Variants in GUCY1B1 observed in about 807,000 individuals in gnomAD.
GUCY1B1 encodes the protein guanylate cyclase 1 soluble subunit beta 1, also known as guanylate cyclase soluble subunit beta-1.
A neutral mutation model predicts 71.0 loss-of-function variants in GUCY1B1; 43 were observed. That is an observed-to-expected ratio of 0.61 (90% CI 0.47 to 0.78). GUCY1B1 has a LOEUF of 0.78. Among genes scored for constraint, GUCY1B1 ranks in the 30% least tolerant of loss-of-function variants. The pLI is 0.00. For missense variants in GUCY1B1, 535 were observed against 754.1 expected, an observed-to-expected ratio of 0.71 and a Z score of 3.40; for synonymous variants, 266 against 259.7, an observed-to-expected ratio of 1.02 and a Z score of -0.23.
chr4:155,803,405 G>A (rs568771533), intron 10 of GUCY1B1, among the ~76,000 whole-genome samples: 232 of 152,212 alleles, frequency 1.5e-3, no homozygotes, highest in African/African-American at 5.2e-3. Flanking sequence ...GTACCTGCCC[G>A]TCATCAAAGA....
chr4:155,800,446 G>A (rs527380149), intron 9 of GUCY1B1, among the ~76,000 whole-genome samples: 9 of 152,190 alleles, frequency 5.9e-5, no homozygotes, highest in Non-Finnish European at 7.4e-5. Context: ...GGGGGCTGCC[G>A]CGTGCAGAGA....
intron 4 of GUCY1B1, among the ~76,000 whole-genome samples, chr4:155,779,807 T>G (rs1389435132): frequency 6.6e-6 from 1 of 152,222 alleles, no homozygotes; most frequent in African/African-American, 2.4e-5. Context: ...TATATTGACA[T>G]TTTTATTACG....
intron 4 of GUCY1B1, 51 bp from the exon 5 acceptor site, chr4:155,789,663 C>G: frequency 9.5e-7 from 1 of 1,051,880 alleles, no homozygotes; most frequent in Non-Finnish European, 1.4e-6. Flanking sequence ...CCAGAGTCTG[C>G]TGTCATTGCG....
In GUCY1B1 at chr4:155,806,425, G is replaced by A. The variant is rs770903699; in HGVS notation, c.*16G>A. 22 of 1,588,508 alleles carry A rather than the reference G, an allele frequency of 1.4e-5. No homozygotes were observed. Among genetic ancestry groups the A allele is most frequent in the Non-Finnish European group, 1.6e-5 (18 of 1,157,640 alleles). On this transcript the variant is annotated 3_prime_UTR_variant, in exon 14 of 14. Coordinates refer to ENST00000264424, the MANE Select transcript of GUCY1B1 (RefSeq NM_000857.5). ...TGATGACTGAATCTTGGATTATGGG[G>A]TGAAGAGGAGTACAGACTAGGTTCC... is the stretch of plus-strand genomic sequence containing the variant.
chr4:155,804,018 G>A (rs1740137678), intron 11 of GUCY1B1, among the ~76,000 whole-genome samples: 1 of 152,024 alleles, frequency 6.6e-6, no homozygotes, highest in African/African-American at 2.4e-5. Context: ...GTACCTTCTA[G>A]TTTATTTTTT....
At chr4:155,762,057 T>G (rs1737031044) in intron 2 of GUCY1B1, among the ~76,000 whole-genome samples, 2 of 152,338 alleles carry the variant, frequency 1.3e-5, no homozygotes, top group East Asian at 3.9e-4. Flanking sequence ...CTCTCTGCAC[T>G]GAGGGCATTA....
rs1285170576 is a variant in GUCY1B1, at chr4:155,807,553, TG to T, written c.*1145del. 1 of 152,192 alleles carries T rather than the reference TG, an allele frequency of 6.6e-6. No individual in the cohort carries two copies. Among genetic ancestry groups the T allele is most frequent in the African/African-American group, 2.4e-5 (1 of 41,468 alleles). 9.4% of individuals were successfully genotyped at this position (152,192 alleles called of 1,614,324 possible). On this transcript the variant is annotated 3_prime_UTR_variant, in exon 14 of 14. Coordinates refer to ENST00000264424, the MANE Select transcript of GUCY1B1 (RefSeq NM_000857.5). ...TATATGTATAAATGTTCCATGTTAA[TG>T]TGTAAAAGAGTCTGTAATAAATTAT...
At chr4:155,783,815 ATTC>A (rs1475973950) in intron 4 of GUCY1B1, among the ~76,000 whole-genome samples, 2 of 152,182 alleles carry the variant, frequency 1.3e-5, no homozygotes, top group Non-Finnish European at 2.9e-5. Flanking sequence ...AAAGAGCACC[ATTC>A]ACTTTATTTT....
At chr4:155,772,662 C>T in intron 2 of GUCY1B1, 1 of 701,380 alleles carries the variant, frequency 1.4e-6, no homozygotes, top group African/African-American at 1.7e-5. Flanking sequence ...TCAACGGATC[C>T]TCCCACCTGG....
chr4:155,772,941 C>A (rs577397487), intron 2 of GUCY1B1, among the ~76,000 whole-genome samples: 2 of 152,298 alleles, frequency 1.3e-5, no homozygotes, highest in South Asian at 4.1e-4. Flanking sequence ...AGACATACCA[C>A]CATTTGGAAT....
At chr4:155,766,062 CCTCT>C (rs1454145493) in intron 2 of GUCY1B1, among the ~76,000 whole-genome samples, 4 of 152,028 alleles carry the variant, frequency 2.6e-5, no homozygotes, top group African/African-American at 9.7e-5. Flanking sequence ...TCTCTCTCTC[CCTCT>C]CTCTATGTAT....
chr4:155,783,060 T>G (rs1321352064), intron 4 of GUCY1B1, among the ~76,000 whole-genome samples: 1 of 152,182 alleles, frequency 6.6e-6, no homozygotes, highest in Admixed American at 6.5e-5. Context: ...AAATAACAAA[T>G]AAATTATTAA....
intron 9 of GUCY1B1, among the ~76,000 whole-genome samples, chr4:155,800,585 T>TA (rs1191181905): frequency 6.6e-6 from 1 of 152,188 alleles, no homozygotes; most frequent in Non-Finnish European, 1.5e-5. Flanking sequence ...TGACAACAAT[T>TA]ACATCTATAG....
At position 155,806,439 on chromosome 4, in the gene GUCY1B1, A is replaced by C; in HGVS notation, c.*30A>C. On this transcript the variant is annotated 3_prime_UTR_variant, in exon 14 of 14. Coordinates refer to ENST00000264424, the MANE Select transcript of GUCY1B1 (RefSeq NM_000857.5). ...TGGATTATGGGGTGAAGAGGAGTAC[A>C]GACTAGGTTCCAGTTTTCTCCTAAC... 1.3e-6 allele frequency: 2 copies of C among 1,561,858 alleles called. No individual in the cohort carries two copies. Among genetic ancestry groups the C allele is most frequent in the Non-Finnish European group, 1.8e-6 (2 of 1,133,572 alleles).
At chr4:155,800,301 T>C (rs1206211699) in intron 9 of GUCY1B1, among the ~76,000 whole-genome samples, 1 of 152,214 alleles carries the variant, frequency 6.6e-6, no homozygotes, top group Non-Finnish European at 1.5e-5. Flanking sequence ...GTTGGAATAA[T>C]ATAGGCCAAA....
At chr4:155,788,673 TAC>T (rs1244391983) in intron 4 of GUCY1B1, among the ~76,000 whole-genome samples, 1 of 152,248 alleles carries the variant, frequency 6.6e-6, no homozygotes, top group East Asian at 1.9e-4. Flanking sequence ...GTGCTTTATA[TAC>T]ATGTTTAAAG....
At chr4:155,777,778 T>C (rs1738157428) in intron 4 of GUCY1B1, 136 bp downstream of exon 4, 1 of 553,724 alleles carries the variant, frequency 1.8e-6, no homozygotes, top group Non-Finnish European at 3.2e-6. Context: ...CTTTTTCTAA[T>C]TCACATAAAA....
chr4:155,782,752 A>C lies in GUCY1B1; in HGVS notation c.297+5110A>C, dbSNP rs187909026. 8.5e-5 allele frequency among the ~76,000 whole-genome samples: 13 copies of C among 152,310 alleles called. No individual in the cohort carries two copies. The East Asian group carries it at 2.5e-3, about 29-fold the overall frequency. ...TAAACTTCCTAGGCTAGAGTACAGGAAGTCTTGGTTTCCTTCAGGGTATCT... is the reference window on the plus strand; with the variant it reads ...TAAACTTCCTAGGCTAGAGTACAGGCAGTCTTGGTTTCCTTCAGGGTATCT... On this transcript the variant is annotated intron_variant, in intron 4 of 13. Transcript: ENST00000264424.
At chr4:155,768,116 G>A (rs1737461138) in intron 2 of GUCY1B1, among the ~76,000 whole-genome samples, 1 of 152,090 alleles carries the variant, frequency 6.6e-6, no homozygotes, top group Admixed American at 6.6e-5. Context: ...AGCAGACCTT[G>A]TGTTGAGATT....
Sources: gnomAD v4.1 joint callset for allele counts (sites outside exome capture counted in the v4.1 genomes callset) on GRCh38, gnomAD v4.1.1 for gene constraint, MANE v1.5 for transcripts, NCBI Gene and HGNC (gene_info 2026-07-23, HGNC 2026-07-21) for gene names.